LRRC61: variants seen among roughly 807,000 people sequenced by gnomAD.
LRRC61 encodes the protein leucine-rich repeat-containing protein 61.
In LRRC61, 9 loss-of-function variants were observed where a neutral mutation model predicts 15.1. The observed-to-expected ratio is 0.60, with a 90% CI of 0.36 to 1.04. LRRC61 has a LOEUF of 1.04. Among genes scored for constraint, LRRC61 ranks in the 50% least tolerant of loss-of-function variants. LRRC61 has a pLI of 0.01. For synonymous variants in LRRC61, 173 were observed against 158.6 expected, an observed-to-expected ratio of 1.09 and a Z score of -0.68; for missense variants, 344 against 335.6, an observed-to-expected ratio of 1.03 and a Z score of -0.20.
At chr7:150,322,147 A>T (rs1204555179), upstream of LRRC61, among the ~76,000 whole-genome samples, 3 of 152,224 alleles carry the variant, frequency 2.0e-5, no homozygotes, top group Non-Finnish European at 4.4e-5. Flanking sequence ...ATGCAGGCCC[A>T]GATGTTCTCT....
Position 150,333,523 on chromosome 7 carries a change from C to T in LRRC61, c.-144-3195C>T, listed in dbSNP as rs775933934. On this transcript the variant is annotated intron_variant, in intron 2 of 2. Coordinates refer to ENST00000359623, the MANE Select transcript of LRRC61 (RefSeq NM_001142928.2). The surrounding 1 kb of genome is among the most constrained non-coding windows in gnomAD (Gnocchi z 4.3). ...CACCCGAGGCTGCTCTGGGTTGAAG[C>T]GTTCCTCCCCCTAGACTTAGCTCTG... is the stretch of plus-strand genomic sequence containing the variant. 2.6e-5 allele frequency among the ~76,000 whole-genome samples: 4 copies of T among 152,216 alleles called. No individual in the cohort carries two copies. The highest frequency in any genetic ancestry group is 4.8e-5 in the African/African-American group (2 of 41,458).
the LRRC61 span, among the ~76,000 whole-genome samples, chr7:150,317,500 G>A: frequency 6.6e-6 from 1 of 152,206 alleles, no homozygotes; most frequent in East Asian, 1.9e-4. Flanking sequence ...TCTCACTTAT[G>A]CAATCAAGTC....
At chr7:150,331,328 C>A (rs1248707267) in intron 2 of LRRC61, 2 of 532,832 alleles carry the variant, frequency 3.8e-6, no homozygotes, top group East Asian at 6.1e-5. Context: ...ATGGCAGGTG[C>A]CGGTGCTCAC....
upstream of LRRC61, among the ~76,000 whole-genome samples, chr7:150,321,853 T>C (rs752360711): frequency 8.5e-4 from 130 of 152,346 alleles, 1 homozygote; most frequent in Middle Eastern, 0.01. Flanking sequence ...TGGCTTGGCA[T>C]TAATTTGCTT....
At chr7:150,329,174 C>T (rs974607129) in intron 2 of LRRC61, among the ~76,000 whole-genome samples, 3 of 152,182 alleles carry the variant, frequency 2.0e-5, no homozygotes, top group Non-Finnish European at 4.4e-5. Flanking sequence ...AGTTGCTCTT[C>T]GTGGTTAGAA....
Position 150,330,334 on chromosome 7 carries a change from C to A in LRRC61, c.-145+4324C>A. 1 of 737,580 alleles carries A rather than the reference C, an allele frequency of 1.4e-6. No homozygotes were observed. The highest frequency in any genetic ancestry group is 1.8e-5 in the Admixed American group (1 of 56,732). The allele number at this position is 737,580 out of a possible 1,614,324, so 45.7% of individuals were successfully genotyped here. A position where few individuals can be genotyped will look rare whatever the true frequency, so the allele number is the denominator to read the frequency against. On this transcript the variant is annotated intron_variant, in intron 2 of 2. Coordinates refer to ENST00000359623, the MANE Select transcript of LRRC61 (RefSeq NM_001142928.2). This position sits in a 1 kb window ranked among gnomAD's most constrained non-coding sequence, Gnocchi z 4.6. ...AAGGGCAGGCACCAGCTGGGGAAGGCTGGTGTTGCCTTGTCGGCCACATTC... is the reference window on the plus strand; with the variant it reads ...AAGGGCAGGCACCAGCTGGGGAAGGATGGTGTTGCCTTGTCGGCCACATTC...
intron 1 of LRRC61, among the ~76,000 whole-genome samples, chr7:150,324,166 G>A (rs929244809): frequency 2.0e-5 from 3 of 152,156 alleles, no homozygotes; most frequent in Non-Finnish European, 4.4e-5. Flanking sequence ...TCTCACAGAT[G>A]TTGTGGAGGA....
rs979687152 is a variant in LRRC61 at position 150,332,552 on chromosome 7, G to A, written c.-144-4166G>A. On this transcript the variant is annotated intron_variant, in intron 2 of 2. Transcript: ENST00000359623. ...CATTTGGATATTACTGAAAATGTAA[G>A]GAAGCAGGAAAAATTAACTACTTTC... 5 of 167,066 alleles carry A rather than the reference G, an allele frequency of 3.0e-5. No individual in the cohort carries two copies. The Admixed American group carries it at 3.3e-4, about 11-fold the overall frequency. 10.3% of individuals were successfully genotyped at this position (167,066 alleles called of 1,614,324 possible).
the LRRC61 span, among the ~76,000 whole-genome samples, chr7:150,313,997 C>T: frequency 6.6e-6 from 1 of 152,210 alleles, no homozygotes; most frequent in Non-Finnish European, 1.5e-5. Flanking sequence ...ATGCACAGGA[C>T]GGAGCTCTTC....
chr7:150,322,326 ACAAGATACAGGT>A (rs1451285287), upstream of LRRC61, among the ~76,000 whole-genome samples: 1 of 152,262 alleles, frequency 6.6e-6, no homozygotes, highest in Non-Finnish European at 1.5e-5. Context: ...GAAGGTTGGC[ACAAGATACAGGT>A]CATACAGACC....
chr7:150,312,743 T>C, the LRRC61 span, among the ~76,000 whole-genome samples: 1 of 152,150 alleles, frequency 6.6e-6, no homozygotes, highest in Non-Finnish European at 1.5e-5. Flanking sequence ...CCTACCCCCA[T>C]AATCCCCAGA....
the LRRC61 span, among the ~76,000 whole-genome samples, chr7:150,316,486 T>G: frequency 9.8e-6 from 1 of 102,376 alleles, no homozygotes; most frequent in Non-Finnish European, 1.6e-5. Context: ...TCTGGTTATT[T>G]TTTTTTTTTT....
At chr7:150,329,333 G>T (rs1354653081) in intron 2 of LRRC61, among the ~76,000 whole-genome samples, 1 of 152,268 alleles carries the variant, frequency 6.6e-6, no homozygotes, top group Non-Finnish European at 1.5e-5. Flanking sequence ...TAAAAGCTAA[G>T]ATGCACGGAC....
intron 2 of LRRC61, chr7:150,331,229 A>G (rs1050254531): frequency 1.1e-5 from 12 of 1,057,138 alleles, no homozygotes; most frequent in East Asian, 7.8e-5. Context: ...CAGTTCCCCA[A>G]CTACACCCCG....
chr7:150,326,052 A>G lies in LRRC61; in HGVS notation c.-145+42A>G, dbSNP rs535930021. The G allele has an allele frequency of 3.9e-5, 6 of 152,494 alleles. No individual in the cohort carries two copies. In the South Asian group the frequency reaches 1.0e-3, roughly 26 times the overall value. 9.4% of individuals were successfully genotyped at this position (152,494 alleles called of 1,614,324 possible). On this transcript the variant is annotated intron_variant, in intron 2 of 2. Coordinates refer to ENST00000359623, the MANE Select transcript of LRRC61 (RefSeq NM_001142928.2). Reference sequence around the variant, plus strand: ...AAGACGGGTCTAAGCTCTTCAGTGTAATAGACCCTGTTTCTCAGTAGGTCA... The same window carrying G: ...AAGACGGGTCTAAGCTCTTCAGTGTGATAGACCCTGTTTCTCAGTAGGTCA...
rs948274078 is a variant in LRRC61, at chr7:150,324,734, C to T, written c.-314-1107C>T. Among the ~76,000 whole-genome samples the T allele has an allele frequency of 2.6e-5, 4 of 152,216 alleles. No individual in the cohort carries two copies. In the South Asian group the frequency reaches 8.3e-4, roughly 32 times the overall value. On this transcript the variant is annotated intron_variant, in intron 1 of 2. Transcript: ENST00000359623. ...TCCCTTTCTCCAGGAAGCTTCTCTT[C>T]CCTGTGTAGTTAGCCTCCCCGCTCT...
Position 150,323,536 on chromosome 7 carries a change from G to T in LRRC61, c.-339G>T, listed in dbSNP as rs534922901. 17 of 436,304 alleles carry T rather than the reference G, an allele frequency of 3.9e-5. No homozygotes were observed. Among genetic ancestry groups the T allele is most frequent in the African/African-American group, 3.3e-4 (16 of 48,012 alleles). The allele number at this position is 436,304 out of a possible 1,614,324, so 27.0% of individuals were successfully genotyped here. On this transcript the variant is annotated 5_prime_UTR_variant, in exon 1 of 3. Coordinates refer to ENST00000359623, the MANE Select transcript of LRRC61 (RefSeq NM_001142928.2). ...ACTTCCCAGCTTGGCCAGTGGCTCCGCAGGCTGCCGGCTCCACCCCTCAGG... is the reference window on the plus strand; with the variant it reads ...ACTTCCCAGCTTGGCCAGTGGCTCCTCAGGCTGCCGGCTCCACCCCTCAGG...
In LRRC61 at chr7:150,336,885, G is replaced by A. The variant is rs138665596; in HGVS notation, c.24G>A (p.Pro8=). 97 of 1,607,814 alleles carry A rather than the reference G, an allele frequency of 6.0e-5. No individual in the cohort carries two copies. Among genetic ancestry groups the A allele is most frequent in the Middle Eastern group, 3.3e-4 (2 of 6,040 alleles). ...TCATGGACCCTCCAGCGGAGAAGCC[G>A]GGAGAGGCTGGCGGACTGCAGATCA... MDPPAEK[P]GEAGGLQITP... Residue 8 remains proline (P), a synonymous_variant, in exon 3 of 3, where the codon CCG becomes CCA. Transcript: ENST00000359623.
chr7:150,310,891 C>T, the LRRC61 span, among the ~76,000 whole-genome samples: 1 of 152,164 alleles, frequency 6.6e-6, no homozygotes, highest in Non-Finnish European at 1.5e-5. Context: ...AAAAGGGTAC[C>T]GAGTATCCCC....
Sources: allele counts gnomAD v4.1 joint callset (sites outside exome capture counted in the v4.1 genomes callset), GRCh38; gene constraint gnomAD v4.1.1; non-coding constraint Gnocchi (gnomAD v3.1); transcripts MANE v1.5; gene names NCBI Gene and HGNC (gene_info 2026-07-23, HGNC 2026-07-21).